The following KIF9 variants were observed in gnomAD, a reference collection of about 807,000 sequenced individuals.
KIF9 encodes kinesin-like protein KIF9.
A neutral mutation model predicts 94.8 loss-of-function variants in KIF9; 68 were observed. The observed-to-expected ratio is 0.72, with a 90% CI of 0.59 to 0.88. The LOEUF (loss-of-function observed/expected upper bound fraction) is 0.88, where lower values mean the gene tolerates loss of function less well. Ranked by LOEUF, KIF9 falls within the 40% of genes least tolerant of loss-of-function variation. KIF9 has a pLI of 0.00. For synonymous variants in KIF9, 343 were observed against 362.1 expected (o/e 0.95, Z 0.60); for missense variants, 882 against 982.5 (o/e 0.90, Z 1.37).
chr3:47,242,541 C>A (rs921469916), intron 16 of KIF9, among the ~76,000 whole-genome samples: 3 of 152,204 alleles, frequency 2.0e-5, no homozygotes. Context: ...TGGCAGAGAA[C>A]AATTCACTTA....
Position 47,271,268 on chromosome 3 carries a change from T to G in KIF9, c.560A>C (p.Gln187Pro), listed in dbSNP as rs145219843. Residue 187 changes from glutamine to proline, a missense_variant, in exon 5 of 21, where the codon CAG becomes CCG. Gln to Pro is a moderately conservative substitution (Grantham distance 76). Coordinates refer to ENST00000684063, the MANE Select transcript of KIF9 (RefSeq NM_182902.4). Reference sequence around the variant, plus strand: ...AAGGAGGCTGAATGCATCCTCCTCCTGACTTGTGAGGTGAACTGACAAGCC... The same window carrying G: ...AAGGAGGCTGAATGCATCCTCCTCCGGACTTGTGAGGTGAACTGACAAGCC... Reference protein sequence around the residue: ...IKGLSVHLTSQEEDAFSLLFE... With the variant: ...IKGLSVHLTSPEEDAFSLLFE... 1.4e-5 allele frequency: 22 copies of G among 1,613,950 alleles called. No individual in the cohort carries two copies. In the African/African-American group the frequency reaches 2.8e-4, roughly 21 times the overall value.
chr3:47,242,231 A>C (rs2107179703), intron 16 of KIF9, among the ~76,000 whole-genome samples: 1 of 152,268 alleles, frequency 6.6e-6, no homozygotes, highest in Non-Finnish European at 1.5e-5. Context: ...TTAATTTTAC[A>C]TCTTACTTTT....
chr3:47,252,884 G>A (rs944947898), intron 10 of KIF9, among the ~76,000 whole-genome samples: 1 of 151,310 alleles, frequency 6.6e-6, no homozygotes, highest in Admixed American at 6.6e-5. Context: ...GTGGTGGCAG[G>A]TGCCTGTAAT....
At chr3:47,278,581 C>A (rs960559933) in intron 1 of KIF9, among the ~76,000 whole-genome samples, 2 of 152,070 alleles carry the variant, frequency 1.3e-5, no homozygotes, top group African/African-American at 4.8e-5. Flanking sequence ...ATAATCTTAG[C>A]ACTTTGGGAG....
intron 18 of KIF9, 140 bp from the exon 19 acceptor site, chr3:47,236,289 C>T: frequency 9.9e-7 from 1 of 1,009,754 alleles, no homozygotes; most frequent in Non-Finnish European, 1.5e-6. Flanking sequence ...CATCTCTGGC[C>T]CTCACAGTCC....
At chr3:47,265,981 G>A (rs1701267071) in intron 7 of KIF9, 104 bp from the exon 8 acceptor site, 1 of 1,237,838 alleles carries the variant, frequency 8.1e-7, no homozygotes, top group African/African-American at 1.5e-5. Context: ...CTGTGGTCAG[G>A]TCAGCGCCTC....
intron 4 of KIF9, among the ~76,000 whole-genome samples, chr3:47,271,717 T>A (rs1250040112): frequency 1.3e-5 from 2 of 151,794 alleles, no homozygotes; most frequent in East Asian, 3.9e-4. Context: ...TATTTTAGAG[T>A]CTCATCATTT....
chr3:47,238,826 A>G (rs1027837128), intron 17 of KIF9, among the ~76,000 whole-genome samples: 8 of 152,000 alleles, frequency 5.3e-5, no homozygotes, highest in African/African-American at 1.9e-4. Context: ...CTACGCCCGG[A>G]TAATTTTTTT....
chr3:47,242,935 GTCT>G (rs1699671548), intron 16 of KIF9, 113 bp downstream of exon 16: 1 of 862,616 alleles, frequency 1.2e-6, no homozygotes, highest in Non-Finnish European at 1.7e-6. Context: ...TGTGCTCCTA[GTCT>G]TTGCCTATTA....
In KIF9 at chr3:47,248,031, A is replaced by G. The variant is rs1466210645; in HGVS notation, c.1115T>C (p.Ile372Thr). ...ELALLKQELA[I>T]HDSLTNRTFV... is the part of the protein sequence containing the mutation. ...CTAGCCTCTTACCAGGCTGTCATGG[A>G]TAGCCAGCTCCTGCTTGAGTAGTGC... The change falls in exon 11 of 21, where the codon ATC (isoleucine) becomes ACC (threonine). Residue 372 changes from isoleucine (I) to threonine (T), a missense_variant. Physicochemically the swap from Ile to Thr is moderately conservative, Grantham distance 89. Coordinates refer to ENST00000684063, the MANE Select transcript of KIF9 (RefSeq NM_182902.4). The G allele has an allele frequency of 6.2e-7, 1 of 1,613,430 alleles. No individual in the cohort carries two copies. The highest frequency in any genetic ancestry group is 8.5e-7 in the Non-Finnish European group (1 of 1,179,624).
rs777180512 is a variant in KIF9 at position 47,241,029 on chromosome 3, G to T, written c.1710-14C>A. 3.1e-6 allele frequency: 5 copies of T among 1,611,862 alleles called. No homozygotes were observed. Among genetic ancestry groups the T allele is most frequent in the South Asian group, 2.2e-5 (2 of 91,024 alleles). On this transcript the variant is annotated splice_polypyrimidine_tract_variant and intron_variant, in intron 16 of 20. Transcript: ENST00000684063. ...GGGGTGTCGGGCCTTGAGATGAAAAGGTGAGACCAAAGAGGATAAATGAGG... is the reference window on the plus strand; with the variant it reads ...GGGGTGTCGGGCCTTGAGATGAAAATGTGAGACCAAAGAGGATAAATGAGG...
chr3:47,237,784 T>C (rs1366537135), intron 17 of KIF9, among the ~76,000 whole-genome samples: 1 of 152,124 alleles, frequency 6.6e-6, no homozygotes, highest in Non-Finnish European at 1.5e-5. Context: ...ACTAATGGAG[T>C]CATTAATGGA....
chr3:47,257,415 T>C (rs1700691563), intron 10 of KIF9, 68 bp downstream of exon 10: 1 of 1,374,774 alleles, frequency 7.3e-7, no homozygotes. Context: ...GGCTCGCTTG[T>C]GTGACCCAAG....
At chr3:47,236,835 A>T (rs1202946968) in intron 17 of KIF9, among the ~76,000 whole-genome samples, 1 of 152,234 alleles carries the variant, frequency 6.6e-6, no homozygotes, top group Non-Finnish European at 1.5e-5. Flanking sequence ...GTGGGGCCAC[A>T]CTGGCATTTT....
chr3:47,241,840 T>A (rs9812116), intron 16 of KIF9, among the ~76,000 whole-genome samples: 3 of 124,752 alleles, frequency 2.4e-5, no homozygotes, highest in South Asian at 4.8e-4. Flanking sequence ...CACACATATA[T>A]AAAATATATA....
chr3:47,236,208 C>T, intron 18 of KIF9, 59 bp from the exon 19 acceptor site: 1 of 1,291,548 alleles, frequency 7.7e-7, no homozygotes, highest in Non-Finnish European at 1.1e-6. Flanking sequence ...GTGCTGTCAT[C>T]TGTCTTATAT....
Position 47,267,338 on chromosome 3 carries a change from T to C in KIF9, c.592-75A>G, listed in dbSNP as rs996843959. On this transcript the variant is annotated intron_variant, in intron 5 of 20. Coordinates refer to ENST00000684063, the MANE Select transcript of KIF9 (RefSeq NM_182902.4). ...AGGCACTTGGGTCATTTTTCAATTATACCAATAGCTACACAAGTGGTCTCA... is the reference window on the plus strand; with the variant it reads ...AGGCACTTGGGTCATTTTTCAATTACACCAATAGCTACACAAGTGGTCTCA... The C allele has an allele frequency of 6.0e-6, 6 of 996,552 alleles. No individual in the cohort carries two copies. In the African/African-American group the frequency reaches 9.5e-5, roughly 16 times the overall value. 61.7% of individuals were successfully genotyped at this position (996,552 alleles called of 1,614,324 possible). A position where few individuals can be genotyped will look rare whatever the true frequency, so the allele number is the denominator to read the frequency against.
At chr3:47,238,885 G>C (rs916294102) in intron 17 of KIF9, among the ~76,000 whole-genome samples, 27 of 151,894 alleles carry the variant, frequency 1.8e-4, no homozygotes, top group Admixed American at 1.3e-4. Flanking sequence ...GGATGGCCTT[G>C]ATCTCCTGAC....
intron 19 of KIF9, 68 bp from the exon 20 acceptor site, chr3:47,235,685 TCAGGG>T: frequency 3.1e-6 from 4 of 1,277,100 alleles, no homozygotes; most frequent in Non-Finnish European, 4.6e-6. Context: ...GTGGTGTGCA[TCAGGG>T]CAGTCCCTTG....
Sources: gnomAD v4.1 joint callset for allele counts (sites outside exome capture counted in the v4.1 genomes callset) on GRCh38, gnomAD v4.1.1 for gene constraint, MANE v1.5 for transcripts, NCBI Gene and HGNC (gene_info 2026-07-23, HGNC 2026-07-21) for gene names.